FLACC1: variants seen among roughly 807,000 people sequenced by gnomAD.
The protein encoded by FLACC1 is flagellum associated containing coiled-coil domains 1.
FLACC1 carries 66 observed loss-of-function variants against 62.8 expected under a neutral mutation model. The ratio of observed to expected loss-of-function variants is 1.05; its 90% CI spans 0.86 to 1.29. The LOEUF is 1.29. Among genes scored for constraint, FLACC1 ranks in the 50% most tolerant of loss-of-function variants. The probability of loss-of-function intolerance (pLI) is 0.00; values close to 1 mark genes in which losing one functional copy is unlikely to be tolerated. For synonymous variants in FLACC1, 156 were observed against 161.0 expected (o/e 0.97, Z 0.24); for missense variants, 452 against 489.1 (o/e 0.92, Z 0.71).
rs77133763 is a variant in FLACC1, at chr2:201,349,247, G to T, written c.186-945C>A. ...ACTGGCTTCTGCCTTCCTGGAAGAG[G>T]TCAGACATGCCAAGCAAGTTCCCAC... On this transcript the variant is annotated intron_variant, in intron 3 of 14. Transcript: ENST00000392257. Among the ~76,000 whole-genome samples, 155 of 152,250 alleles carry T rather than the reference G, an allele frequency of 1.0e-3. 1 individual carries two copies. The East Asian group carries it at 0.028, about 28-fold the overall frequency.
At chr2:201,334,647 G>T (rs1027006689) in intron 7 of FLACC1, among the ~76,000 whole-genome samples, 3 of 152,054 alleles carry the variant, frequency 2.0e-5, no homozygotes, top group African/African-American at 7.2e-5. Flanking sequence ...GCCAGGCGTG[G>T]TGGTGCATGC....
chr2:201,324,528 C>T (rs1272374136), intron 9 of FLACC1, among the ~76,000 whole-genome samples: 1 of 152,128 alleles, frequency 6.6e-6, no homozygotes, highest in Non-Finnish European at 1.5e-5. Context: ...ATTTACAGAA[C>T]ATTCTACCCA....
At chr2:201,306,492 A>C (rs1950109969) in intron 11 of FLACC1, among the ~76,000 whole-genome samples, 1 of 152,224 alleles carries the variant, frequency 6.6e-6, no homozygotes, top group African/African-American at 2.4e-5. Context: ...TATCCATAAG[A>C]CAAAAATGAC....
At chr2:201,314,472 C>T (rs1950274527) in intron 9 of FLACC1, among the ~76,000 whole-genome samples, 1 of 152,086 alleles carries the variant, frequency 6.6e-6, no homozygotes. Flanking sequence ...TTTGAATTAA[C>T]CCAATCCAAC....
rs1251809385 is a variant in FLACC1, at chr2:201,314,670, C to A, written c.676-5420G>T. ...TGCTAGAGACCTAGATATCCAAATACAAGAAGCTCAAAGAACACTTGAGAA... is the reference window on the plus strand; with the variant it reads ...TGCTAGAGACCTAGATATCCAAATAAAAGAAGCTCAAAGAACACTTGAGAA... On this transcript the variant is annotated intron_variant, in intron 9 of 14. Transcript: ENST00000392257. Among the ~76,000 whole-genome samples, 5 of 151,836 alleles carry A rather than the reference C, an allele frequency of 3.3e-5. No homozygotes were observed. The East Asian group carries it at 5.8e-4, about 18-fold the overall frequency.
intron 7 of FLACC1, among the ~76,000 whole-genome samples, chr2:201,334,010 C>T (rs1950645554): frequency 6.6e-6 from 1 of 152,240 alleles, no homozygotes; most frequent in Non-Finnish European, 1.5e-5. Context: ...AATGGTTGAA[C>T]TAATTTACAG....
At chr2:201,349,116 C>T (rs1417666906) in intron 3 of FLACC1, among the ~76,000 whole-genome samples, 1 of 152,018 alleles carries the variant, frequency 6.6e-6, no homozygotes, top group Non-Finnish European at 1.5e-5. Context: ...AGGGTGTAGA[C>T]GTCCTTGGGA....
At chr2:201,344,361 C>A in intron 5 of FLACC1, 98 bp from the exon 6 acceptor site, 1 of 849,586 alleles carries the variant, frequency 1.2e-6, no homozygotes, top group Non-Finnish European at 1.9e-6. Flanking sequence ...GAGAGCTGGC[C>A]TGGTGAGAGC....
chr2:201,301,352 G>A (rs913994664), intron 11 of FLACC1, among the ~76,000 whole-genome samples: 14 of 152,220 alleles, frequency 9.2e-5, no homozygotes, highest in African/African-American at 3.4e-4. Flanking sequence ...TCAAATGAAT[G>A]AAATGAAGCA....
chr2:201,356,243 C>G (rs894699190), intron 1 of FLACC1, among the ~76,000 whole-genome samples: 1 of 152,194 alleles, frequency 6.6e-6, no homozygotes, highest in Non-Finnish European at 1.5e-5. Context: ...TCACTGCAAC[C>G]TCTACCTCCG....
chr2:201,293,193 C>A (rs933428424), intron 12 of FLACC1, among the ~76,000 whole-genome samples: 2 of 152,212 alleles, frequency 1.3e-5, no homozygotes, highest in African/African-American at 4.8e-5. Flanking sequence ...CTACAGAACT[C>A]TCCACCCCAA....
At chr2:201,292,085 A>G (rs1481133644) in intron 12 of FLACC1, among the ~76,000 whole-genome samples, 2 of 152,248 alleles carry the variant, frequency 1.3e-5, no homozygotes, top group African/African-American at 2.4e-5. Context: ...GAATGGAACC[A>G]AGTTGGAAAA....
At chr2:201,307,415 C>A in intron 11 of FLACC1, 104 bp downstream of exon 11, 1 of 833,684 alleles carries the variant, frequency 1.2e-6, no homozygotes, top group Non-Finnish European at 2.0e-6. Flanking sequence ...AGGATTATGC[C>A]CAGAAAGACA....
In FLACC1 at chr2:201,307,682, G is replaced by C. The variant is rs1451949247; in HGVS notation, c.776-60C>G. ...AAGATGGGAAAAGCAGGTGCAATGA[G>C]AAACCCAGAATATCTAAAGATAAAA... On this transcript the variant is annotated intron_variant, in intron 10 of 14. Coordinates refer to ENST00000392257, the MANE Select transcript of FLACC1 (RefSeq NM_001127391.3). 2.5e-6 allele frequency: 3 copies of C among 1,191,574 alleles called. No individual in the cohort carries two copies. In the South Asian group the frequency reaches 3.6e-5, roughly 14 times the overall value. 73.8% of individuals were successfully genotyped at this position (1,191,574 alleles called of 1,614,324 possible). A position where few individuals can be genotyped will look rare whatever the true frequency, so the allele number is the denominator to read the frequency against.
chr2:201,311,094 A>G (rs1401306756), intron 9 of FLACC1, among the ~76,000 whole-genome samples: 1 of 152,006 alleles, frequency 6.6e-6, no homozygotes. Flanking sequence ...TCAAGAAGCA[A>G]TTGAAACCCC....
chr2:201,320,803 C>A (rs1950389392), intron 9 of FLACC1, among the ~76,000 whole-genome samples: 1 of 152,314 alleles, frequency 6.6e-6, no homozygotes, highest in South Asian at 2.1e-4. Flanking sequence ...TATAGCCCCA[C>A]TCATTGCCTG....
At chr2:201,356,426 CTGGGATT>C (rs1951118692) in intron 1 of FLACC1, among the ~76,000 whole-genome samples, 2 of 152,172 alleles carry the variant, frequency 1.3e-5, no homozygotes, top group Admixed American at 6.6e-5. Context: ...TCCCAAAGTG[CTGGGATT>C]ACAGGTGTGA....
chr2:201,292,766 T>G (rs1949766304), intron 12 of FLACC1, among the ~76,000 whole-genome samples: 1 of 152,246 alleles, frequency 6.6e-6, no homozygotes, highest in East Asian at 1.9e-4. Context: ...TGTGCTGTAT[T>G]CAGGAAACCC....
intron 9 of FLACC1, among the ~76,000 whole-genome samples, chr2:201,325,383 A>G (rs1236012223): frequency 6.6e-6 from 1 of 152,136 alleles, no homozygotes; most frequent in Admixed American, 6.5e-5. Flanking sequence ...TGGTTCTTTG[A>G]AAAAATAAAA....
Sources: gnomAD v4.1 joint callset for allele counts (sites outside exome capture counted in the v4.1 genomes callset) on GRCh38, gnomAD v4.1.1 for gene constraint, MANE v1.5 for transcripts, NCBI Gene and HGNC (gene_info 2026-07-23, HGNC 2026-07-21) for gene names.